CDH18: variants seen among roughly 807,000 people sequenced by gnomAD.
The protein encoded by CDH18 is cadherin-18.
Under a neutral mutation model 67.9 loss-of-function variants are expected in CDH18, and 31 were observed. The observed-to-expected ratio is 0.46, with a 90% CI of 0.34 to 0.62. CDH18 has a LOEUF of 0.62. Ranked by LOEUF, CDH18 falls within the 20% of genes least tolerant of loss-of-function variation. The pLI is 0.01. For synonymous variants in CDH18, 362 were observed against 347.2 expected (o/e 1.04, Z -0.48); for missense variants, 890 against 975.5 (o/e 0.91, Z 1.17).
chr5:20,333,528 TACAC>T (rs10658368), intron 1 of CDH18, among the ~76,000 whole-genome samples: 14 of 136,834 alleles, frequency 1.0e-4, no homozygotes, highest in Middle Eastern at 3.9e-3. Context: ...ACAATATATA[TACAC>T]ACACACACAC....
chr5:19,929,917 C>T (rs1012949118), intron 2 of CDH18, among the ~76,000 whole-genome samples: 7 of 152,010 alleles, frequency 4.6e-5, no homozygotes, highest in African/African-American at 1.7e-4. Context: ...TGGCTTTCTG[C>T]AGCAGGAAAA....
At chr5:20,094,622 G>A (rs1044537297) in intron 2 of CDH18, among the ~76,000 whole-genome samples, 1 of 152,044 alleles carries the variant, frequency 6.6e-6, no homozygotes, top group Non-Finnish European at 1.5e-5. Flanking sequence ...ATTTCTTTGT[G>A]TCCTCTCTTA....
chr5:20,353,392 T>G (rs1471070611), intron 1 of CDH18, among the ~76,000 whole-genome samples: 1 of 152,220 alleles, frequency 6.6e-6, no homozygotes, highest in African/African-American at 2.4e-5. Flanking sequence ...TATGCACCAC[T>G]TCCTGTGCTT....
chr5:20,099,077 T>C (rs1746235255), intron 2 of CDH18, among the ~76,000 whole-genome samples: 1 of 152,202 alleles, frequency 6.6e-6, no homozygotes, highest in Non-Finnish European at 1.5e-5. Flanking sequence ...GAAACATAAA[T>C]GTATTTAGAC....
chr5:20,069,633 T>C (rs540124470), intron 2 of CDH18, among the ~76,000 whole-genome samples: 2 of 152,068 alleles, frequency 1.3e-5, no homozygotes, highest in South Asian at 4.1e-4. Flanking sequence ...GGATGGTCTT[T>C]ATCTCTTGAC....
chr5:20,089,105 G>T (rs1745216463), intron 2 of CDH18, among the ~76,000 whole-genome samples: 1 of 151,966 alleles, frequency 6.6e-6, no homozygotes, highest in African/African-American at 2.4e-5. Flanking sequence ...AAGATCTTCT[G>T]AAAAAATAAT....
intron 2 of CDH18, among the ~76,000 whole-genome samples, chr5:19,883,007 T>G (rs532765158): frequency 6.6e-6 from 1 of 152,256 alleles, no homozygotes; most frequent in Non-Finnish European, 1.5e-5. Flanking sequence ...ATTTAGCCCT[T>G]TAAAGGAAAG....
chr5:19,601,023 C>T (rs2150065865), intron 6 of CDH18, among the ~76,000 whole-genome samples: 1 of 152,214 alleles, frequency 6.6e-6, no homozygotes, highest in South Asian at 2.1e-4. Flanking sequence ...TATAAAAGCT[C>T]TTGGAAATAT....
intron 1 of CDH18, among the ~76,000 whole-genome samples, chr5:20,256,419 C>T (rs1291543762): frequency 6.6e-6 from 1 of 152,020 alleles, no homozygotes. Context: ...ATAAAAATTA[C>T]ACTTACAGAG....
At chr5:20,259,882 G>T (rs1464702589) in intron 1 of CDH18, among the ~76,000 whole-genome samples, 1 of 151,974 alleles carries the variant, frequency 6.6e-6, no homozygotes, top group African/African-American at 2.4e-5. Flanking sequence ...GGGTAGACAT[G>T]AATAGAAGTA....
chr5:20,097,574 C>T (rs1214858832), intron 2 of CDH18, among the ~76,000 whole-genome samples: 2 of 152,018 alleles, frequency 1.3e-5, no homozygotes, highest in East Asian at 3.9e-4. Flanking sequence ...GGAGATATAG[C>T]CAAACCATGT....
chr5:19,716,982 A>G (rs1304268643), intron 5 of CDH18, among the ~76,000 whole-genome samples: 1 of 152,080 alleles, frequency 6.6e-6, no homozygotes, highest in Non-Finnish European at 1.5e-5. Context: ...TGGGCATGTG[A>G]AAAAAACCCA....
In CDH18 at chr5:20,155,646, G is replaced by C. The variant is rs923537963; in HGVS notation, c.-518+99798C>G. On this transcript the variant is annotated intron_variant, in intron 2 of 14. Transcript: ENST00000507958. ...GGAGGACTTAATCATAAATTCTTTG[G>C]TTAGGCCAATATACAAAAGATATTT... Among the ~76,000 whole-genome samples the C allele has an allele frequency of 1.1e-4, 16 of 151,896 alleles. 1 individual carries two copies. Among genetic ancestry groups the C allele is most frequent in the Non-Finnish European group, 1.5e-5 (1 of 67,940 alleles).
chr5:19,517,600 T>C (rs1027228141), intron 10 of CDH18, among the ~76,000 whole-genome samples: 3 of 152,148 alleles, frequency 2.0e-5, no homozygotes, highest in African/African-American at 7.2e-5. Flanking sequence ...TTACTTTTGC[T>C]AATATTTTAC....
intron 2 of CDH18, among the ~76,000 whole-genome samples, chr5:20,014,635 C>T (rs1737727237): frequency 6.6e-6 from 1 of 151,996 alleles, no homozygotes; most frequent in Non-Finnish European, 1.5e-5. Flanking sequence ...AAATGAAATC[C>T]AGTCATCTTC....
intron 2 of CDH18, among the ~76,000 whole-genome samples, chr5:20,102,075 A>C (rs1374750507): frequency 6.6e-6 from 1 of 152,202 alleles, no homozygotes; most frequent in Middle Eastern, 3.2e-3. Context: ...TGTCTCGGAA[A>C]AAACAAAAAC....
intron 2 of CDH18, among the ~76,000 whole-genome samples, chr5:20,172,224 G>GTATATATATATATACGTATATATATGTA (rs1736855964): frequency 5.1e-5 from 1 of 19,530 alleles, no homozygotes; most frequent in Non-Finnish European, 9.4e-5. Flanking sequence ...ATATATATAT[G>GTATATATATATATACGTATATATATGTA]TATATATATA....
At chr5:20,350,929 A>T (rs912486998) in intron 1 of CDH18, among the ~76,000 whole-genome samples, 11 of 152,070 alleles carry the variant, frequency 7.2e-5, no homozygotes, top group Admixed American at 7.2e-4. Flanking sequence ...AAAATAGGCT[A>T]ATTCAATATC....
At chr5:20,219,280 G>GA (rs1458683399) in intron 2 of CDH18, among the ~76,000 whole-genome samples, 1 of 151,776 alleles carries the variant, frequency 6.6e-6, no homozygotes, top group Non-Finnish European at 1.5e-5. Flanking sequence ...CTTGAACCAT[G>GA]AAAAATCCAA....
Sources: gnomAD v4.1 joint callset for allele counts (sites outside exome capture counted in the v4.1 genomes callset) on GRCh38, gnomAD v4.1.1 for gene constraint, MANE v1.5 for transcripts, NCBI Gene and HGNC (gene_info 2026-07-23, HGNC 2026-07-21) for gene names.